ATP9A: variants seen among roughly 807,000 people sequenced by gnomAD.
ATP9A encodes the protein probable phospholipid-transporting ATPase IIA.
Under a neutral mutation model 144.1 loss-of-function variants are expected in ATP9A, and 52 were observed. That is an observed-to-expected ratio of 0.36 (90% CI 0.29 to 0.45). The LOEUF (loss-of-function observed/expected upper bound fraction) is 0.45. ATP9A is among the 20% of genes least tolerant of loss of function. The pLI is 1.00. For synonymous variants in ATP9A, 582 were observed against 557.4 expected, an observed-to-expected ratio of 1.04 and a Z score of -0.62; for missense variants, 947 against 1,392.7, an observed-to-expected ratio of 0.68 and a Z score of 5.09.
At chr20:51,629,174 A>AC in intron 15 of ATP9A, 102 bp from the exon 16 acceptor site, 2 of 836,546 alleles carry the variant, frequency 2.4e-6, no homozygotes, top group Non-Finnish European at 3.8e-6. Flanking sequence ...TGCACTTAAC[A>AC]GACACCAATG....
rs373299131 is a variant in ATP9A, at chr20:51,613,713, G to C, written c.2535C>G (p.Phe845Leu). The C allele has an allele frequency of 6.2e-7, 1 of 1,614,102 alleles. No individual in the cohort carries two copies. Among genetic ancestry groups the C allele is most frequent in the Non-Finnish European group, 8.5e-7 (1 of 1,179,986 alleles). The part of the protein sequence containing the change: ...SYKRSAALSQ[F>L]VIHRSLCIST... ...TGATACAGAGGCTCCTGTGAATCAC[G>C]AACTGGCTGAGGGCGGCTGACCGCT... is the stretch of plus-strand genomic sequence containing the variant. The change falls in exon 23 of 28, where the codon TTC becomes TTG. Residue 845 changes from phenylalanine (F) to leucine (L), a missense_variant. Physicochemically the swap from Phe to Leu is conservative, Grantham distance 22 (BLOSUM62 0). Transcript: ENST00000338821.
intron 13 of ATP9A, among the ~76,000 whole-genome samples, chr20:51,667,410 G>C (rs2077437252): frequency 1.3e-5 from 2 of 152,236 alleles, no homozygotes; most frequent in Non-Finnish European, 1.5e-5. Flanking sequence ...GAGTGATACA[G>C]ACATGTAGCT....
intron 4 of ATP9A, 118 bp from the exon 5 acceptor site, chr20:51,697,600 A>G: frequency 1.2e-6 from 1 of 857,944 alleles, no homozygotes; most frequent in Non-Finnish European, 1.8e-6. Flanking sequence ...GCTCCCACAC[A>G]CAGCTGCCAG....
chr20:51,719,174 A>C (rs1205702), intron 3 of ATP9A, among the ~76,000 whole-genome samples: 14,758 of 151,240 alleles, frequency 0.098, 900 homozygotes, highest in South Asian at 0.19. Context: ...TGGGGTCTGG[A>C]GCATTCCTTG....
intron 13 of ATP9A, among the ~76,000 whole-genome samples, chr20:51,665,677 T>C (rs1442904632): frequency 1.4e-5 from 2 of 147,792 alleles, no homozygotes; most frequent in Non-Finnish European, 3.0e-5. Flanking sequence ...TAAGCCAAGA[T>C]AGCACCACTA....
chr20:51,604,295 G>A (rs767017430), intron 27 of ATP9A, among the ~76,000 whole-genome samples: 13 of 152,106 alleles, frequency 8.5e-5, no homozygotes, highest in Non-Finnish European at 1.5e-4. Flanking sequence ...CCACGTCTAC[G>A]GAACTGGCGA....
At chr20:51,747,710 C>T (rs923419299) in intron 1 of ATP9A, among the ~76,000 whole-genome samples, 1 of 152,164 alleles carries the variant, frequency 6.6e-6, no homozygotes, top group African/African-American at 2.4e-5. Context: ...TCTGAGTCTT[C>T]CCTGTGGGTA....
chr20:51,726,401 G>A (rs903308211), intron 2 of ATP9A, among the ~76,000 whole-genome samples: 1 of 146,264 alleles, frequency 6.8e-6, no homozygotes, highest in African/African-American at 2.5e-5. Context: ...ACTTCCATAT[G>A]TTGTTTAGAA....
At chr20:51,689,966 G>A (rs1363047091) in intron 8 of ATP9A, among the ~76,000 whole-genome samples, 1 of 151,104 alleles carries the variant, frequency 6.6e-6, no homozygotes, top group African/African-American at 2.4e-5. Context: ...CAAAAAATTA[G>A]CCAGGCGTGG....
Position 51,601,351 on chromosome 20 carries a change from C to G in ATP9A, c.3008-4G>C. 1 of 1,607,276 alleles carries G rather than the reference C, an allele frequency of 6.2e-7. No individual in the cohort carries two copies. Among genetic ancestry groups the G allele is most frequent in the South Asian group, 1.1e-5 (1 of 89,748 alleles). On this transcript the variant is annotated splice_polypyrimidine_tract_variant and splice_region_variant and intron_variant, in intron 27 of 27. Coordinates refer to ENST00000338821, the MANE Select transcript of ATP9A (RefSeq NM_006045.3). ...AAGGTGGCGATGAAGTACACATCTG[C>G]AAGGAAAGGGGAAGACGGCAGTGAG...
intron 9 of ATP9A, among the ~76,000 whole-genome samples, chr20:51,688,141 C>T (rs552727899): frequency 7.9e-5 from 12 of 152,290 alleles, no homozygotes; most frequent in African/African-American, 2.9e-4. Flanking sequence ...TAGTATCTAC[C>T]CTCATGGTGC....
In ATP9A at chr20:51,745,479, T is replaced by C. The variant is rs529045629; in HGVS notation, c.69-15501A>G. On this transcript the variant is annotated intron_variant, in intron 1 of 27. Transcript: ENST00000338821. ...GCCGTTATGAATTAGTCAACAGCAG[T>C]GGTTCTCAATAGCAGGGCGGGGGGA... Among the ~76,000 whole-genome samples the C allele has an allele frequency of 4.6e-5, 7 of 151,316 alleles. No homozygotes were observed. In the South Asian group the frequency reaches 1.3e-3, roughly 27 times the overall value.
chr20:51,627,877 G>A (rs2077255945), intron 16 of ATP9A, among the ~76,000 whole-genome samples, 194 bp from the exon 17 acceptor site: 1 of 152,174 alleles, frequency 6.6e-6, no homozygotes, highest in African/African-American at 2.4e-5. Flanking sequence ...GGCAGCCGGT[G>A]AGCCAAACAC....
At chr20:51,755,334 C>A (rs1386658997) in intron 1 of ATP9A, among the ~76,000 whole-genome samples, 1 of 152,070 alleles carries the variant, frequency 6.6e-6, no homozygotes, top group East Asian at 1.9e-4. Flanking sequence ...ACCCAGGAGG[C>A]TGAGGCAGGA....
At position 51,695,077 on chromosome 20, in the gene ATP9A, C is replaced by T. The variant is rs555205800; in HGVS notation, c.548-975G>A. On this transcript the variant is annotated intron_variant, in intron 6 of 27. Coordinates refer to ENST00000338821, the MANE Select transcript of ATP9A (RefSeq NM_006045.3). ...CTATTCATAATGAAATACGTTGCAG[C>T]ATCCTCAAAGGAATACGAATGTAAA... Among the ~76,000 whole-genome samples the T allele has an allele frequency of 2.7e-3, 414 of 151,428 alleles. 1 individual carries two copies. The highest frequency in any genetic ancestry group is 9.7e-3 in the African/African-American group (400 of 41,220).
At position 51,600,927 on chromosome 20, in the gene ATP9A, A is replaced by G; in HGVS notation, c.*284T>C. ...AAGTCATAAGGAAGCTCGCACAGTG[A>G]CCCATATAAATCTCCCAGCTGAGCC... On this transcript the variant is annotated 3_prime_UTR_variant, in exon 28 of 28. Transcript: ENST00000338821. The G allele has an allele frequency of 3.5e-6, 1 of 289,618 alleles. No individual in the cohort carries two copies. Among genetic ancestry groups the G allele is most frequent in the Non-Finnish European group, 6.4e-6 (1 of 156,030 alleles). 17.9% of individuals were successfully genotyped at this position (289,618 alleles called of 1,614,324 possible). A position where few individuals can be genotyped will look rare whatever the true frequency, so the allele number is the denominator to read the frequency against.
intron 2 of ATP9A, 148 bp from the exon 3 acceptor site, chr20:51,726,080 G>C: frequency 3.3e-6 from 2 of 614,212 alleles, no homozygotes; most frequent in South Asian, 2.0e-5. Flanking sequence ...TTGGGAGGCC[G>C]AGGCGAGCGG....
At chr20:51,727,651 G>C (rs974933827) in intron 2 of ATP9A, among the ~76,000 whole-genome samples, 2 of 151,966 alleles carry the variant, frequency 1.3e-5, no homozygotes, top group Admixed American at 6.6e-5. Context: ...AAGTTAAATG[G>C]CCGCACACAG....
chr20:51,646,421 A>C (rs1390348035), intron 14 of ATP9A, among the ~76,000 whole-genome samples: 1 of 152,222 alleles, frequency 6.6e-6, no homozygotes, highest in African/African-American at 2.4e-5. Flanking sequence ...TAAATACTTA[A>C]GCTCACAAAG....
Sources: allele counts gnomAD v4.1 joint callset (sites outside exome capture counted in the v4.1 genomes callset), GRCh38; gene constraint gnomAD v4.1.1; transcripts MANE v1.5; gene names NCBI Gene and HGNC (gene_info 2026-07-23, HGNC 2026-07-21).